GOLGA7: variants seen among roughly 807,000 people sequenced by gnomAD.
The protein encoded by GOLGA7 is golgin subfamily A member 7.
In GOLGA7, 10 loss-of-function variants were observed where a neutral mutation model predicts 21.1. That is an observed-to-expected ratio of 0.47 (90% CI 0.29 to 0.80). The LOEUF (loss-of-function observed/expected upper bound fraction) is 0.80. GOLGA7 is among the 30% of genes least tolerant of loss of function. The pLI, the probability that GOLGA7 is intolerant of heterozygous loss-of-function variation, is 0.08. For missense variants in GOLGA7, 114 were observed against 166.8 expected, an observed-to-expected ratio of 0.68 and a Z score of 1.74; for synonymous variants, 64 against 62.6, an observed-to-expected ratio of 1.02 and a Z score of -0.10.
chr8:41,493,398 T>A (rs983790962), intron 1 of GOLGA7, among the ~76,000 whole-genome samples: 3 of 152,238 alleles, frequency 2.0e-5, no homozygotes, highest in African/African-American at 7.2e-5. Flanking sequence ...TAAAGCATTT[T>A]TTAAAAATAC....
Position 41,510,226 on chromosome 8 carries a change from A to G in GOLGA7, c.*658A>G, listed in dbSNP as rs1175009544. ...CCTAATTAAAGCAGTATTTAATGCA[A>G]TTTCCAGTTATTTCTTTGGAGAATT... is the stretch of plus-strand genomic sequence containing the variant. On this transcript the variant is annotated 3_prime_UTR_variant, in exon 5 of 5. Coordinates refer to ENST00000357743, the MANE Select transcript of GOLGA7 (RefSeq NM_001002296.2). 1.3e-5 allele frequency: 2 copies of G among 152,594 alleles called. No homozygotes were observed. Among genetic ancestry groups the G allele is most frequent in the African/African-American group, 4.8e-5 (2 of 41,436 alleles). The allele number at this position is 152,594 out of a possible 1,614,324, so 9.5% of individuals were successfully genotyped here.
Sources: gnomAD v4.1 joint callset for allele counts (sites outside exome capture counted in the v4.1 genomes callset) on GRCh38, gnomAD v4.1.1 for gene constraint, MANE v1.5 for transcripts, NCBI Gene and HGNC (gene_info 2026-07-23, HGNC 2026-07-21) for gene names.